PPT1: variants seen among roughly 807,000 people sequenced by gnomAD.
PPT1 encodes ceroid-palmitoyl-palmitoyl-protein thioesterase 1.
Under a neutral mutation model 44.0 loss-of-function variants are expected in PPT1, and 24 were observed. That is an observed-to-expected ratio of 0.54 (90% confidence interval 0.39 to 0.77). The LOEUF (loss-of-function observed/expected upper bound fraction) is 0.77. PPT1 is among the 30% of genes least tolerant of loss of function. The pLI is 0.00. For synonymous variants in PPT1, 148 were observed against 140.2 expected, an observed-to-expected ratio of 1.06 and a Z score of -0.39; for missense variants, 341 against 378.8, an observed-to-expected ratio of 0.90 and a Z score of 0.83.
intron 5 of PPT1, among the ~76,000 whole-genome samples, chr1:40,081,416 A>G (rs1648931553): frequency 6.6e-6 from 1 of 152,058 alleles, no homozygotes; most frequent in Non-Finnish European, 1.5e-5. Flanking sequence ...TGTGCCTGTA[A>G]TCCCAGCTAC....
At chr1:40,075,935 T>C (rs1648598002) in intron 8 of PPT1, among the ~76,000 whole-genome samples, 1 of 109,154 alleles carries the variant, frequency 9.2e-6, no homozygotes, top group South Asian at 3.3e-4. Context: ...CACTCCAGCC[T>C]GGGTGACAAA....
At position 40,078,551 on chromosome 1, in the gene PPT1, G is replaced by A. The variant is rs1024088820; in HGVS notation, c.726+9C>T. The A allele has an allele frequency of 7.4e-6, 12 of 1,611,404 alleles. No individual in the cohort carries two copies. The highest frequency in any genetic ancestry group is 3.3e-5 in the Admixed American group (2 of 59,990). ...ACTCTCCTGGCATGTGGCCTAAGTA[G>A]TGTCTCACCTCCGAATCTACAGGGT... On this transcript the variant is annotated intron_variant, in intron 7 of 8. Transcript: ENST00000642050.
rs958886731 is a variant in PPT1, at chr1:40,073,715, C to T, written c.*346G>A. The T allele has an allele frequency of 2.2e-5, 6 of 269,760 alleles. No individual in the cohort carries two copies. The highest frequency in any genetic ancestry group is 4.4e-5 in the African/African-American group (2 of 45,106). 16.7% of individuals were successfully genotyped at this position (269,760 alleles called of 1,614,324 possible). A position where few individuals can be genotyped will look rare whatever the true frequency, so the allele number is the denominator to read the frequency against. On this transcript the variant is annotated 3_prime_UTR_variant, in exon 9 of 9. Coordinates refer to ENST00000642050, the MANE Select transcript of PPT1 (RefSeq NM_000310.4). Reference sequence around the variant, plus strand: ...GGCAAGACTTGGAAAAATGTTTGCCCTTAGAATCTATCTCACTACTTTAGT... The same window carrying T: ...GGCAAGACTTGGAAAAATGTTTGCCTTTAGAATCTATCTCACTACTTTAGT...
At chr1:40,080,975 C>A (rs1228239347) in intron 5 of PPT1, among the ~76,000 whole-genome samples, 1 of 152,132 alleles carries the variant, frequency 6.6e-6, no homozygotes, top group African/African-American at 2.4e-5. Flanking sequence ...AACAAGACAC[C>A]TTGTTGAGAC....
At chr1:40,078,817 C>A in intron 6 of PPT1, 159 bp from the exon 7 acceptor site, 1 of 682,196 alleles carries the variant, frequency 1.5e-6, no homozygotes, top group Admixed American at 2.2e-5. Context: ...TATACCTGTA[C>A]AGCTTTTTTT....
chr1:40,096,613 C>G (rs914459122), intron 1 of PPT1, among the ~76,000 whole-genome samples: 2 of 151,672 alleles, frequency 1.3e-5, no homozygotes, highest in Non-Finnish European at 2.9e-5. Flanking sequence ...ACACTTGGGT[C>G]CCACCCCCCA....
downstream of PPT1, chr1:40,071,899 G>A (rs1243424736): frequency 7.1e-6 from 3 of 420,548 alleles, no homozygotes; most frequent in Non-Finnish European, 1.3e-5. Context: ...AGATCAGAAT[G>A]TTCACACTGG....
At chr1:40,082,899 G>A (rs1389963654) in intron 5 of PPT1, among the ~76,000 whole-genome samples, 1 of 152,200 alleles carries the variant, frequency 6.6e-6, no homozygotes, top group African/African-American at 2.4e-5. Flanking sequence ...TCAATGCCTG[G>A]CTTCAAAACT....
chr1:40,074,029 C>T lies in PPT1; in HGVS notation c.*32G>A, dbSNP rs1648424891. 2 of 1,613,628 alleles carry T rather than the reference C, an allele frequency of 1.2e-6. No individual in the cohort carries two copies. Among genetic ancestry groups the T allele is most frequent in the Non-Finnish European group, 1.7e-6 (2 of 1,179,830 alleles). ...CCATGTGGTTTGGAAGAGTTAGGGG[C>T]TCCCTGAGCTCTATTGTGAACTATA... On this transcript the variant is annotated 3_prime_UTR_variant, in exon 9 of 9. Coordinates refer to ENST00000642050, the MANE Select transcript of PPT1 (RefSeq NM_000310.4).
chr1:40,084,506 A>C (rs1649151159), intron 5 of PPT1, among the ~76,000 whole-genome samples: 1 of 152,248 alleles, frequency 6.6e-6, no homozygotes, highest in South Asian at 2.1e-4. Context: ...CTTTCATGAA[A>C]GGAAGAGTCA....
intron 5 of PPT1, among the ~76,000 whole-genome samples, chr1:40,088,420 C>T (rs1007467462): frequency 6.6e-6 from 1 of 152,206 alleles, no homozygotes; most frequent in Non-Finnish European, 1.5e-5. Flanking sequence ...GCTGGGATTA[C>T]AGGCGTGAGC....
intron 8 of PPT1, chr1:40,076,559 T>A: frequency 3.1e-6 from 3 of 968,764 alleles, no homozygotes; most frequent in Non-Finnish European, 3.7e-6. Context: ...TTTAAAACCT[T>A]TTTATCAAAA....
At chr1:40,080,288 C>G (rs1570456819) in intron 6 of PPT1, 109 bp downstream of exon 6, 1 of 1,175,526 alleles carries the variant, frequency 8.5e-7, no homozygotes, top group South Asian at 1.2e-5. Flanking sequence ...CTTCTCTTTC[C>G]TAGTGTCTGC....
chr1:40,078,924 G>C, intron 6 of PPT1: 1 of 434,028 alleles, frequency 2.3e-6, no homozygotes, highest in South Asian at 1.8e-5. Context: ...GCTGAGGTTT[G>C]GGGTTCTGTT....
intron 5 of PPT1, among the ~76,000 whole-genome samples, chr1:40,084,098 A>G (rs1162678782): frequency 6.6e-6 from 1 of 152,168 alleles, no homozygotes; most frequent in East Asian, 1.9e-4. Context: ...AGAGGTCAAA[A>G]TATCAGTATT....
intron 5 of PPT1, among the ~76,000 whole-genome samples, chr1:40,083,017 C>T (rs1333573380): frequency 6.6e-6 from 1 of 152,188 alleles, no homozygotes; most frequent in Non-Finnish European, 1.5e-5. Context: ...TTAAGAACTA[C>T]GCTAAATTAC....
intron 5 of PPT1, among the ~76,000 whole-genome samples, chr1:40,083,918 C>T (rs1190415587): frequency 2.6e-5 from 4 of 152,046 alleles, no homozygotes; most frequent in Non-Finnish European, 5.9e-5. Context: ...TGTAGTGGCT[C>T]ACACCTGTAG....
At chr1:40,095,973 T>C (rs994978286) in intron 1 of PPT1, among the ~76,000 whole-genome samples, 8 of 152,142 alleles carry the variant, frequency 5.3e-5, no homozygotes, top group African/African-American at 1.9e-4. Flanking sequence ...CCTTCCAAAC[T>C]AAACTCCTAA....
intron 5 of PPT1, among the ~76,000 whole-genome samples, chr1:40,088,834 GCTTT>G (rs1289247372): frequency 6.6e-6 from 1 of 152,118 alleles, no homozygotes; most frequent in Non-Finnish European, 1.5e-5. Context: ...CTTTCTAAAG[GCTTT>G]CTGTTTGTTT....
Sources: allele counts gnomAD v4.1 joint callset (sites outside exome capture counted in the v4.1 genomes callset), GRCh38; gene constraint gnomAD v4.1.1; transcripts MANE v1.5; gene names NCBI Gene and HGNC (gene_info 2026-07-23, HGNC 2026-07-21).